The following PCDHA3 variants were observed in gnomAD, a reference collection of about 807,000 sequenced individuals.
The protein encoded by PCDHA3 is protocadherin alpha-3.
Under a neutral mutation model 62.2 loss-of-function variants are expected in PCDHA3, and 41 were observed. The observed-to-expected ratio is 0.66, with a 90% CI of 0.51 to 0.86. The LOEUF is 0.86. PCDHA3 is among the 40% of genes least tolerant of loss of function. The probability of loss-of-function intolerance (pLI) is 0.00; values close to 1 mark genes in which losing one functional copy is unlikely to be tolerated. For missense variants in PCDHA3, 1,304 were observed against 1,241.2 expected, an observed-to-expected ratio of 1.05 and a Z score of -0.76; for synonymous variants, 640 against 555.4, an observed-to-expected ratio of 1.15 and a Z score of -2.14.
At chr5:140,878,735 C>T (rs2057715661) in intron 1 of PCDHA3, among the ~76,000 whole-genome samples, 1 of 152,198 alleles carries the variant, frequency 6.6e-6, no homozygotes, top group Non-Finnish European at 1.5e-5. Context: ...AGCCTTATAT[C>T]TACTTTCTTA....
At chr5:140,877,811 GAGA>G in intron 1 of PCDHA3, 1 of 1,610,242 alleles carries the variant, frequency 6.2e-7, no homozygotes, top group African/African-American at 1.3e-5. Flanking sequence ...CAGCTGTCTC[GAGA>G]AGATTGTTTA....
rs782354452 is a variant in PCDHA3, at chr5:140,966,783, C to G, written c.2395-12166C>G. 28 of 1,520,948 alleles carry G rather than the reference C, an allele frequency of 1.8e-5. No homozygotes were observed. The highest frequency in any genetic ancestry group is 2.1e-4 in the Middle Eastern group (1 of 4,706). The allele number at this position is 1,520,948 out of a possible 1,614,324, so 94.2% of individuals were successfully genotyped here. On this transcript the variant is annotated intron_variant, in intron 1 of 3. Transcript: ENST00000522353. ...CCAGTGGCTATGGAGCAGGCGGGCA[C>G]CAGACCTGCGGCGACAGAGCATCCA...
intron 1 of PCDHA3, among the ~76,000 whole-genome samples, chr5:140,916,590 G>A (rs1022726274): frequency 2.0e-5 from 3 of 152,182 alleles, no homozygotes; most frequent in Non-Finnish European, 4.4e-5. Flanking sequence ...CCATGAGCTA[G>A]GGCCTGGAAT....
intron 1 of PCDHA3, among the ~76,000 whole-genome samples, chr5:140,924,692 C>T (rs1421659285): frequency 2.0e-5 from 3 of 151,910 alleles, no homozygotes; most frequent in Admixed American, 6.6e-5. Flanking sequence ...GTCAGGAGTT[C>T]GAGACCAGCT....
At chr5:140,876,215 A>G in intron 1 of PCDHA3, 1 of 1,614,008 alleles carries the variant, frequency 6.2e-7, no homozygotes, top group South Asian at 1.1e-5. Context: ...CCCAGCTATA[A>G]AGTAGTGTTG....
chr5:140,858,157 C>T (rs782793736), intron 1 of PCDHA3: 2 of 1,597,628 alleles, frequency 1.3e-6, no homozygotes, highest in Admixed American at 1.7e-5. Flanking sequence ...TCGCCATCTG[C>T]GCGGTGTCCA....
chr5:140,842,517 C>T (rs2150337878), intron 1 of PCDHA3: 7 of 1,613,506 alleles, frequency 4.3e-6, no homozygotes, highest in South Asian at 1.1e-5. Context: ...AAGCTGGTGT[C>T]CACCTTCAAG....
At chr5:140,922,369 G>A (rs534587109) in intron 1 of PCDHA3, among the ~76,000 whole-genome samples, 1 of 152,320 alleles carries the variant, frequency 6.6e-6, no homozygotes, top group East Asian at 1.9e-4. Context: ...TTCTCACTGA[G>A]ATGCAAAACC....
intron 1 of PCDHA3, among the ~76,000 whole-genome samples, chr5:140,905,770 C>T (rs1402548672): frequency 6.6e-6 from 1 of 151,878 alleles, no homozygotes; most frequent in African/African-American, 2.4e-5. Flanking sequence ...AAGTATATTC[C>T]GAAGTGTATT....
intron 1 of PCDHA3, chr5:140,858,307 G>T: frequency 6.3e-7 from 1 of 1,597,292 alleles, no homozygotes; most frequent in Non-Finnish European, 8.6e-7. Flanking sequence ...AGCAGAGGCG[G>T]CAGAGGGTGT....
chr5:140,976,623 A>T (rs2096725019), intron 1 of PCDHA3, among the ~76,000 whole-genome samples: 1 of 152,206 alleles, frequency 6.6e-6, no homozygotes, highest in Non-Finnish European at 1.5e-5. Context: ...CTGTCAGCTG[A>T]ACTCAGCAAT....
rs1554122134 is a variant in PCDHA3 at position 140,802,436 on chromosome 5, G to A, written c.1239G>A (p.Leu413=). 2 of 1,614,228 alleles carry A rather than the reference G, an allele frequency of 1.2e-6. No individual in the cohort carries two copies. Among genetic ancestry groups the A allele is most frequent in the Admixed American group, 1.7e-5 (1 of 60,030 alleles). The change falls in exon 1 of 4, where the codon CTG becomes CTA. Residue 413 remains leucine (L), a synonymous_variant. Transcript: ENST00000522353. The part of the protein sequence containing the change: ...NYYSLVLDSP[L]DRESVSAYEL... ...ACTCATTGGTGCTGGACAGCCCTCT[G>A]GACCGCGAGAGCGTGTCGGCCTATG...
chr5:140,815,612 T>C (rs1765762414), intron 1 of PCDHA3: 1 of 152,158 alleles, frequency 6.6e-6, no homozygotes, highest in South Asian at 2.1e-4. Flanking sequence ...GTGACTTTTG[T>C]ACCACCATTA....
intron 1 of PCDHA3, among the ~76,000 whole-genome samples, chr5:140,826,123 C>G (rs1018689969): frequency 6.6e-6 from 1 of 152,152 alleles, no homozygotes; most frequent in Non-Finnish European, 1.5e-5. Context: ...TTCCTAATAT[C>G]CTGAGCTACT....
Position 140,859,254 on chromosome 5 carries a change from G to T in PCDHA3, c.2394+55663G>T, listed in dbSNP as rs1005222858. 2 of 131,816 alleles carry T rather than the reference G, an allele frequency of 1.5e-5. 1 individual carries two copies. The allele number at this position is 131,816 out of a possible 1,614,324, so 8.2% of individuals were successfully genotyped here. ...AGTCATGCTTATGTTTAATAATGAA[G>T]AGAATTTGAACACTTTTTACTTTTG... On this transcript the variant is annotated intron_variant, in intron 1 of 3. Transcript: ENST00000522353.
intron 1 of PCDHA3, chr5:140,842,788 G>C: frequency 6.3e-7 from 1 of 1,594,522 alleles, no homozygotes; most frequent in Non-Finnish European, 8.6e-7. Context: ...AGAACGCGCT[G>C]GTGTCCTACT....
intron 3 of PCDHA3, among the ~76,000 whole-genome samples, chr5:141,005,117 C>A (rs2098198148): frequency 6.6e-6 from 1 of 152,214 alleles, no homozygotes; most frequent in South Asian, 2.1e-4. Flanking sequence ...TCTTTAGGGA[C>A]CCCAAAAGTG....
intron 1 of PCDHA3, chr5:140,829,659 T>C: frequency 6.2e-7 from 1 of 1,612,676 alleles, no homozygotes. Flanking sequence ...CTGCAGCCGC[T>C]GGACCACGAG....
chr5:140,941,214 C>CTTCCTTTCTTTCTTTCTTT (rs1554214039), intron 1 of PCDHA3, among the ~76,000 whole-genome samples: 1 of 122,414 alleles, frequency 8.2e-6, no homozygotes, highest in Non-Finnish European at 1.7e-5. Context: ...TTTCTTTCTT[C>CTTCCTTTCTTTCTTTCTTT]CTTTCTTTCT....
Sources: allele counts gnomAD v4.1 joint callset (sites outside exome capture counted in the v4.1 genomes callset), GRCh38; gene constraint gnomAD v4.1.1; transcripts MANE v1.5; gene names NCBI Gene and HGNC (gene_info 2026-07-23, HGNC 2026-07-21).